The following ROBO2 variants were observed in gnomAD, a reference collection of about 807,000 sequenced individuals.
The protein encoded by ROBO2 is roundabout homolog 2.
A neutral mutation model predicts 160.8 loss-of-function variants in ROBO2; 53 were observed. The observed-to-expected ratio is 0.33, with a 90% CI of 0.26 to 0.41. The LOEUF (loss-of-function observed/expected upper bound fraction) is 0.41. Among genes scored for constraint, ROBO2 ranks in the 10% least tolerant of loss-of-function variants. The pLI is 1.00. For synonymous variants in ROBO2, 664 were observed against 611.7 expected (o/e 1.09, Z -1.26); for missense variants, 1,577 against 1,722.4 (o/e 0.92, Z 1.49).
intron 2 of ROBO2, among the ~76,000 whole-genome samples, chr3:77,285,117 T>A (rs13092656): frequency 0.013 from 1,953 of 152,198 alleles, 18 homozygotes; most frequent in South Asian, 0.034. Flanking sequence ...GAAAAGAGAA[T>A]CAGTTACCTT....
chr3:76,857,869 T>C (rs2070303899), intron 2 of ROBO2, among the ~76,000 whole-genome samples: 1 of 152,218 alleles, frequency 6.6e-6, no homozygotes, highest in Non-Finnish European at 1.5e-5. Flanking sequence ...TTTAGCTTTA[T>C]AGCTAAGCCT....
intron 2 of ROBO2, among the ~76,000 whole-genome samples, chr3:76,207,594 G>A (rs1005947472): frequency 2.6e-5 from 4 of 152,102 alleles, no homozygotes; most frequent in Non-Finnish European, 5.9e-5. Flanking sequence ...AAAATCACCT[G>A]TGTGACAAAT....
At chr3:76,659,159 A>G (rs2091709825) in intron 2 of ROBO2, among the ~76,000 whole-genome samples, 1 of 151,840 alleles carries the variant, frequency 6.6e-6, no homozygotes, top group African/African-American at 2.4e-5. Context: ...GTGCACAGGA[A>G]TAATCTAGGT....
At chr3:76,528,682 A>C (rs1034548636) in intron 2 of ROBO2, among the ~76,000 whole-genome samples, 3 of 152,180 alleles carry the variant, frequency 2.0e-5, no homozygotes, top group African/African-American at 7.2e-5. Flanking sequence ...GTTAGGCTGC[A>C]TATGTAGGTT....
At chr3:76,318,005 T>C (rs2072186911) in intron 2 of ROBO2, among the ~76,000 whole-genome samples, 1 of 152,070 alleles carries the variant, frequency 6.6e-6, no homozygotes, top group Non-Finnish European at 1.5e-5. Flanking sequence ...GACATCAAAA[T>C]TTCATTTTAA....
intron 2 of ROBO2, among the ~76,000 whole-genome samples, chr3:77,403,724 T>C (rs945984924): frequency 6.6e-6 from 1 of 152,060 alleles, no homozygotes; most frequent in African/African-American, 2.4e-5. Flanking sequence ...CTCTTTGGTA[T>C]AGTGATTTTG....
intron 1 of ROBO2, among the ~76,000 whole-genome samples, chr3:77,082,304 G>T (rs555653266): frequency 6.6e-6 from 1 of 152,274 alleles, no homozygotes; most frequent in African/African-American, 2.4e-5. Flanking sequence ...TGACACTTCA[G>T]TTTTCAGCCT....
chr3:76,746,971 A>T (rs771635475), intron 2 of ROBO2, among the ~76,000 whole-genome samples: 1 of 152,068 alleles, frequency 6.6e-6, no homozygotes, highest in Non-Finnish European at 1.5e-5. Flanking sequence ...GTCCCTGCAA[A>T]CAACGTGATC....
chr3:76,458,335 C>T (rs1386358314), intron 2 of ROBO2, among the ~76,000 whole-genome samples: 2 of 152,110 alleles, frequency 1.3e-5, no homozygotes, highest in Non-Finnish European at 2.9e-5. Context: ...TGCTGCCAGT[C>T]TCTTTGCTAA....
At chr3:77,561,965 T>C (rs1456642639) in intron 9 of ROBO2, among the ~76,000 whole-genome samples, 2 of 151,906 alleles carry the variant, frequency 1.3e-5, no homozygotes, top group Admixed American at 6.6e-5. Flanking sequence ...TAGTCAGGCA[T>C]GGTGGCACAT....
chr3:77,064,402 C>A, intron 1 of ROBO2, among the ~76,000 whole-genome samples: 1 of 142,466 alleles, frequency 7.0e-6, no homozygotes, highest in Admixed American at 7.3e-5. Context: ...ACTGTGTTAC[C>A]CAGGCTGGAG....
At chr3:77,353,457 A>C (rs1304097351) in intron 2 of ROBO2, among the ~76,000 whole-genome samples, 3 of 152,192 alleles carry the variant, frequency 2.0e-5, no homozygotes, top group Non-Finnish European at 4.4e-5. Context: ...TTCAAAGGAT[A>C]AACGTACTTG....
In ROBO2 at chr3:77,141,444, A is replaced by G. The variant is rs551284140; in HGVS notation, c.388+43104A>G. 5.3e-5 allele frequency among the ~76,000 whole-genome samples: 8 copies of G among 152,296 alleles called. No individual in the cohort carries two copies. The East Asian group carries it at 5.8e-4, about 11-fold the overall frequency. ...GCTCTGGTCCATTGCCTTGTTGCCT[A>G]CATTCCAGTTGTTCACCTTCCATGA... On this transcript the variant is annotated intron_variant, in intron 2 of 25. Coordinates refer to ENST00000461745, the Ensembl canonical transcript of ROBO2.
intron 2 of ROBO2, among the ~76,000 whole-genome samples, chr3:76,293,272 G>A (rs1392124888): frequency 6.6e-6 from 1 of 152,110 alleles, no homozygotes; most frequent in African/African-American, 2.4e-5. Context: ...CCTTCTAAAG[G>A]GCAAAATAAA....
At chr3:76,235,916 G>C (rs1704916035) in intron 2 of ROBO2, among the ~76,000 whole-genome samples, 1 of 152,058 alleles carries the variant, frequency 6.6e-6, no homozygotes, top group South Asian at 2.1e-4. Flanking sequence ...GAGAAGGTAG[G>C]ATGAAGAAAG....
intron 2 of ROBO2, among the ~76,000 whole-genome samples, chr3:77,445,414 A>G (rs2080370593): frequency 6.6e-6 from 1 of 152,116 alleles, no homozygotes; most frequent in South Asian, 2.1e-4. Flanking sequence ...GTCACTCCTC[A>G]TAAAATACTT....
chr3:76,191,313 G>A (rs967110239), intron 2 of ROBO2, among the ~76,000 whole-genome samples: 1 of 151,960 alleles, frequency 6.6e-6, no homozygotes, highest in African/African-American at 2.4e-5. Context: ...TGATCAATAC[G>A]CGTCCCAGGT....
At chr3:75,952,213 TA>T (rs1454436294) in intron 2 of ROBO2, among the ~76,000 whole-genome samples, 7 of 151,938 alleles carry the variant, frequency 4.6e-5, no homozygotes, top group Non-Finnish European at 1.5e-5. Context: ...ATATTTTTTT[TA>T]AACCAAACTA....
At chr3:76,081,457 T>C (rs1221021974) in intron 2 of ROBO2, among the ~76,000 whole-genome samples, 2 of 152,142 alleles carry the variant, frequency 1.3e-5, no homozygotes, top group Non-Finnish European at 2.9e-5. Flanking sequence ...CTCACATAGT[T>C]AAGCAATCAA....
Sources: allele counts gnomAD v4.1 joint callset (sites outside exome capture counted in the v4.1 genomes callset), GRCh38; gene constraint gnomAD v4.1.1; transcripts MANE v1.5; gene names NCBI Gene and HGNC (gene_info 2026-07-23, HGNC 2026-07-21).